The following OAS2 variants were observed in gnomAD, a reference collection of about 807,000 sequenced individuals.
OAS2 encodes the protein 2'-5'-oligoadenylate synthase 2.
Under a neutral mutation model 71.3 loss-of-function variants are expected in OAS2, and 67 were observed. The observed-to-expected ratio is 0.94, with a 90% confidence interval of 0.77 to 1.15. OAS2 has a LOEUF of 1.15. Ranked by LOEUF, OAS2 falls within the 50% of genes most tolerant of loss-of-function variation. The pLI is 0.00. For synonymous variants in OAS2, 327 were observed against 321.8 expected (o/e 1.02, Z -0.17); for missense variants, 789 against 822.5 (o/e 0.96, Z 0.50).
intron 7 of OAS2, among the ~76,000 whole-genome samples, chr12:113,005,567 C>G (rs1225063555): frequency 6.7e-6 from 1 of 150,048 alleles, no homozygotes; most frequent in African/African-American, 2.5e-5. Context: ...AACAAACACA[C>G]AAACAAAACA....
intron 6 of OAS2, among the ~76,000 whole-genome samples, chr12:113,003,902 A>G (rs1179639824): frequency 6.6e-6 from 1 of 152,240 alleles, no homozygotes; most frequent in Non-Finnish European, 1.5e-5. Flanking sequence ...CAATGAGTGA[A>G]CTGTCTCATT....
rs752603720 is a variant in OAS2, at chr12:112,978,613, G to C, written c.5G>C (p.Gly2Ala). 17 of 1,613,890 alleles carry C rather than the reference G, an allele frequency of 1.1e-5. No individual in the cohort carries two copies. The highest frequency in any genetic ancestry group is 1.4e-5 in the Non-Finnish European group (16 of 1,179,956). M[G>A]NGESQLSSVP... Reference sequence around the variant, plus strand: ...GCCGGCAGCCAGCTGAGAGCAATGGGAAATGGGGAGTCCCAGCTGTCCTCG... The same window carrying C: ...GCCGGCAGCCAGCTGAGAGCAATGGCAAATGGGGAGTCCCAGCTGTCCTCG... The change falls in exon 1 of 10, where the codon GGA (glycine) becomes GCA (alanine). Residue 2 changes from glycine (G) to alanine (A), a missense_variant. Transcript: ENST00000392583. This position sits in a 1 kb window ranked among gnomAD's most constrained non-coding sequence, Gnocchi z 4.2.
In OAS2 at chr12:113,007,852, T is replaced by C. The variant is rs748084933; in HGVS notation, c.1804T>C (p.Tyr602His). The change falls in exon 9 of 10, where the codon TAT becomes CAT. Residue 602 changes from tyrosine (Y) to histidine (H), a missense_variant. By Grantham distance (83) the Tyr-to-His change is moderately conservative (BLOSUM62 2). Transcript: ENST00000392583. ...FRTVLELVTQ[Y>H]QQLCIFWKVN... is the part of the protein sequence containing the mutation. Reference sequence around the variant, plus strand: ...GACAGTCCTGGAGCTGGTCACACAATATCAGCAGCTCTGCATCTTCTGGAA... The same window carrying C: ...GACAGTCCTGGAGCTGGTCACACAACATCAGCAGCTCTGCATCTTCTGGAA... The C allele has an allele frequency of 2.5e-6, 4 of 1,614,128 alleles. No individual in the cohort carries two copies. Among genetic ancestry groups the C allele is most frequent in the Admixed American group, 3.3e-5 (2 of 60,016 alleles).
intron 1 of OAS2, among the ~76,000 whole-genome samples, chr12:112,985,564 G>T (rs1407414640): frequency 6.6e-6 from 1 of 152,124 alleles, no homozygotes; most frequent in African/African-American, 2.4e-5. Context: ...TTATTTTCCT[G>T]ATTTATTTGT....
Position 113,010,444 on chromosome 12 carries a change from G to A in OAS2, c.*1189G>A, listed in dbSNP as rs111525017. 28 of 1,613,790 alleles carry A rather than the reference G, an allele frequency of 1.7e-5. No individual in the cohort carries two copies. Among genetic ancestry groups the A allele is most frequent in the African/African-American group, 1.2e-4 (9 of 74,916 alleles). On this transcript the variant is annotated 3_prime_UTR_variant, in exon 10 of 10. Coordinates refer to ENST00000392583, the MANE Select transcript of OAS2 (RefSeq NM_002535.3). The stretch of plus-strand genomic sequence containing the variant: ...GTCAATGAGATGTTCTCATCCAGAA[G>A]CCATAGAATCCTGAATAATAATTCT...
At chr12:112,995,675 CCAAA>C (rs1171307192) in intron 3 of OAS2, among the ~76,000 whole-genome samples, 9 of 152,158 alleles carry the variant, frequency 5.9e-5, no homozygotes, top group Admixed American at 3.9e-4. Context: ...AGTAATCCTC[CCAAA>C]CAAACCCCTA....
At chr12:112,995,230 A>G (rs2044223365) in intron 2 of OAS2, 66 bp from the exon 3 acceptor site, 1 of 1,468,388 alleles carries the variant, frequency 6.8e-7, no homozygotes, top group Admixed American at 2.1e-5. Flanking sequence ...TTCATTGTAG[A>G]GCAACCCTGG....
intron 1 of OAS2, among the ~76,000 whole-genome samples, chr12:112,983,387 G>A (rs778729714): frequency 9.9e-5 from 15 of 151,970 alleles, no homozygotes; most frequent in Non-Finnish European, 1.6e-4. Context: ...CACCACGCCC[G>A]GCTAATTTTG....
chr12:113,005,208 C>T lies in OAS2; in HGVS notation c.1454C>T (p.Ala485Val). Reference protein sequence around the residue: ...NESVSFDVLPAFNALGQLSSG... With the variant: ...NESVSFDVLPVFNALGQLSSG... ...AGTGTCAGCTTTGATGTGCTTCCTG[C>T]CTTTAATGCACTGGGTAAGGCTCCC... The change falls in exon 7 of 10, where the codon GCC becomes GTC. Residue 485 changes from alanine to valine, a missense_variant. By Grantham distance (64) the Ala-to-Val change is moderately conservative. Coordinates refer to ENST00000392583, the MANE Select transcript of OAS2 (RefSeq NM_002535.3). 2 of 1,613,514 alleles carry T rather than the reference C, an allele frequency of 1.2e-6. No individual in the cohort carries two copies. The highest frequency in any genetic ancestry group is 1.7e-6 in the Non-Finnish European group (2 of 1,179,640).
chr12:112,998,183 C>A, intron 4 of OAS2, 83 bp from the exon 5 acceptor site: 1 of 1,473,406 alleles, frequency 6.8e-7, no homozygotes, highest in Non-Finnish European at 9.2e-7. Context: ...GCCGGATTCC[C>A]ACTCCAGGCC....
In OAS2 at chr12:113,007,751, C is replaced by A; in HGVS notation, c.1703C>A (p.Ala568Asp). Residue 568 changes from alanine (A) to aspartate (D), a missense_variant, in exon 9 of 10, where the codon GCC becomes GAC. By Grantham distance (126) the Ala-to-Asp change is moderately radical (BLOSUM62 -2). Coordinates refer to ENST00000392583, the MANE Select transcript of OAS2 (RefSeq NM_002535.3). ...KPKGSLPPKYALELLTIYAWE... is the reference protein window; with the variant it reads ...KPKGSLPPKYDLELLTIYAWE... ...AAGGGGTCTTTGCCCCCAAAGTATGCCTTGGAGCTGCTCACCATCTATGCC... is the reference window on the plus strand; with the variant it reads ...AAGGGGTCTTTGCCCCCAAAGTATGACTTGGAGCTGCTCACCATCTATGCC... 1 of 1,614,076 alleles carries A rather than the reference C, an allele frequency of 6.2e-7. No homozygotes were observed. Among genetic ancestry groups the A allele is most frequent in the South Asian group, 1.1e-5 (1 of 91,074 alleles).
rs2044360503 is a variant in OAS2, at chr12:113,009,276, A to G, written c.*21A>G. 1.2e-6 allele frequency: 2 copies of G among 1,612,024 alleles called. No individual in the cohort carries two copies. The highest frequency in any genetic ancestry group is 1.7e-6 in the Non-Finnish European group (2 of 1,178,938). On this transcript the variant is annotated 3_prime_UTR_variant, in exon 10 of 10. Coordinates refer to ENST00000392583, the MANE Select transcript of OAS2 (RefSeq NM_002535.3). ...TCTAAAGGAGGCGTTGTCTGGAAAT[A>G]GCCCTGTAACAGGCTTGAATCAAAG...
Position 112,997,689 on chromosome 12 carries a change from T to C in OAS2, c.797T>C (p.Met266Thr), listed in dbSNP as rs556025476. ...CAGGAGAAGCTGTGTATCTATTGGA[T>C]GGTCAACTACAACTTTGAAGATGAG... ...KCQEKLCIYW[M>T]VNYNFEDETI... Residue 266 changes from methionine (M) to threonine (T), a missense_variant, in exon 4 of 10, where the codon ATG becomes ACG. Physicochemically the swap from Met to Thr is moderately conservative, Grantham distance 81 (BLOSUM62 -1). Coordinates refer to ENST00000392583, the MANE Select transcript of OAS2 (RefSeq NM_002535.3). The C allele has an allele frequency of 3.1e-6, 5 of 1,613,838 alleles. No homozygotes were observed. The East Asian group carries it at 1.1e-4, about 36-fold the overall frequency.
Position 112,997,692 on chromosome 12 carries a change from T to C in OAS2, c.800T>C (p.Val267Ala), listed in dbSNP as rs1593201877. 1 of 1,613,432 alleles carries C rather than the reference T, an allele frequency of 6.2e-7. No homozygotes were observed. Among genetic ancestry groups the C allele is most frequent in the Non-Finnish European group, 8.5e-7 (1 of 1,179,702 alleles). The part of the protein sequence containing the change: ...CQEKLCIYWM[V>A]NYNFEDETIR... ...GAGAAGCTGTGTATCTATTGGATGG[T>C]CAACTACAACTTTGAAGATGAGACC... Residue 267 changes from valine (V) to alanine (A), a missense_variant, in exon 4 of 10, where the codon GTC (valine) becomes GCC (alanine). Transcript: ENST00000392583.
chr12:113,006,219 T>A (rs1293748), intron 7 of OAS2, among the ~76,000 whole-genome samples, 194 bp from the exon 8 acceptor site: 1 of 152,150 alleles, frequency 6.6e-6, no homozygotes, highest in Non-Finnish European at 1.5e-5. Context: ...CAGCTGCACC[T>A]GTGTAGACCA....
chr12:113,002,813 C>T, intron 5 of OAS2, 119 bp from the exon 6 acceptor site: 1 of 812,962 alleles, frequency 1.2e-6, no homozygotes, highest in Non-Finnish European at 2.0e-6. Context: ...AAGATGCCAG[C>T]CCACGAGCAG....
Position 113,011,464 on chromosome 12 carries a change from T to C in OAS2, c.*2209T>C, listed in dbSNP as rs2044379946. 4 of 152,184 alleles carry C rather than the reference T, an allele frequency of 2.6e-5. No homozygotes were observed. The highest frequency in any genetic ancestry group is 2.6e-4 in the Admixed American group (4 of 15,286). The allele number at this position is 152,184 out of a possible 1,614,324, so 9.4% of individuals were successfully genotyped here. A position where few individuals can be genotyped will look rare whatever the true frequency, so the allele number is the denominator to read the frequency against. Reference sequence around the variant, plus strand: ...CCAAGGAGGTGATGGGGCTGGAAATTGAGTTCAATTTTAACATGGCCAGTG... The same window carrying C: ...CCAAGGAGGTGATGGGGCTGGAAATCGAGTTCAATTTTAACATGGCCAGTG... On this transcript the variant is annotated 3_prime_UTR_variant, in exon 10 of 10. Coordinates refer to ENST00000392583, the MANE Select transcript of OAS2 (RefSeq NM_002535.3).
chr12:113,005,293 T>A, intron 7 of OAS2, 71 bp downstream of exon 7: 1 of 1,458,534 alleles, frequency 6.9e-7, no homozygotes, highest in Non-Finnish European at 9.3e-7. Context: ...CGTGACTTGA[T>A]TACGGGCTCT....
chr12:112,998,455 G>A, intron 5 of OAS2, 45 bp downstream of exon 5: 1 of 1,584,558 alleles, frequency 6.3e-7, no homozygotes, highest in South Asian at 1.2e-5. Context: ...CTGCAGGAAG[G>A]TCTTCCTGAC....
Sources: allele counts gnomAD v4.1 joint callset (sites outside exome capture counted in the v4.1 genomes callset), GRCh38; gene constraint gnomAD v4.1.1; non-coding constraint Gnocchi (gnomAD v3.1); transcripts MANE v1.5; gene names NCBI Gene and HGNC (gene_info 2026-07-23, HGNC 2026-07-21).